PTPN23: variants seen among roughly 807,000 people sequenced by gnomAD.
The protein encoded by PTPN23 is protein tyrosine phosphatase non-receptor type 23, also known as tyrosine-protein phosphatase non-receptor type 23.
A neutral mutation model predicts 156.3 loss-of-function variants in PTPN23; 72 were observed. The ratio of observed to expected loss-of-function variants is 0.46; its 90% CI spans 0.38 to 0.56. PTPN23 has a LOEUF of 0.56. PTPN23 is among the 20% of genes least tolerant of loss of function. The pLI is 0.00. For missense variants in PTPN23, 1,974 were observed against 2,171.5 expected, an observed-to-expected ratio of 0.91 and a Z score of 1.81; for synonymous variants, 957 against 899.6, an observed-to-expected ratio of 1.06 and a Z score of -1.14.
In PTPN23 at chr3:47,407,058, C is replaced by T. The variant is rs912975511; in HGVS notation, c.808-72C>T. 38 of 1,590,252 alleles carry T rather than the reference C, an allele frequency of 2.4e-5. No individual in the cohort carries two copies. Among genetic ancestry groups the T allele is most frequent in the African/African-American group, 1.9e-4 (14 of 74,404 alleles). On this transcript the variant is annotated intron_variant, in intron 9 of 24. Transcript: ENST00000265562. This position sits in a 1 kb window ranked among gnomAD's most constrained non-coding sequence, Gnocchi z 4.0. ...TTGTCATCTGATGGACAGGCAGGGC[C>T]GGGTGGGAGGCAGGAGGAGAAAGGG...
At position 47,406,211 on chromosome 3, in the gene PTPN23, G is replaced by C. The variant is rs1056726192; in HGVS notation, c.547-114G>C. On this transcript the variant is annotated intron_variant, in intron 6 of 24. Coordinates refer to ENST00000265562, the MANE Select transcript of PTPN23 (RefSeq NM_015466.4). The surrounding 1 kb of genome is among the most constrained non-coding windows in gnomAD (Gnocchi z 5.8). Reference sequence around the variant, plus strand: ...GGTGCTGCTTGGAGTGGGGGCAGCTGGGGGAGAGGGCAGTGAAGAGGGATC... The same window carrying C: ...GGTGCTGCTTGGAGTGGGGGCAGCTCGGGGAGAGGGCAGTGAAGAGGGATC... 14 of 1,466,826 alleles carry C rather than the reference G, an allele frequency of 9.5e-6. No individual in the cohort carries two copies. In the African/African-American group the frequency reaches 9.8e-5, roughly 10 times the overall value. The allele number at this position is 1,466,826 out of a possible 1,614,324, so 90.9% of individuals were successfully genotyped here.
rs1201266420 is a variant in PTPN23, at chr3:47,408,460, A to G, written c.1300A>G (p.Thr434Ala). The change falls in exon 15 of 25, where the codon ACT becomes GCT. Residue 434 changes from threonine (T) to alanine (A), a missense_variant. Thr to Ala is a moderately conservative substitution (Grantham distance 58). Around this residue, in one of 4 missense-constraint regions of PTPN23, gnomAD observed 726 missense variants for 929.5 expected, o/e 0.78. Transcript: ENST00000265562. ...KCAALSVRPD[T>A]VRNLVQSMQV... ...CGCGGCTCTCAGCGTCCGGCCCGACACTGTCAGGAACCTTGTACAGTCCAT... is the reference window on the plus strand; with the variant it reads ...CGCGGCTCTCAGCGTCCGGCCCGACGCTGTCAGGAACCTTGTACAGTCCAT... 1.2e-6 allele frequency: 2 copies of G among 1,614,040 alleles called. No homozygotes were observed. The highest frequency in any genetic ancestry group is 1.7e-6 in the Non-Finnish European group (2 of 1,179,960).
chr3:47,385,980 A>G (rs529450821), intron 1 of PTPN23, among the ~76,000 whole-genome samples: 1 of 152,252 alleles, frequency 6.6e-6, no homozygotes, highest in South Asian at 2.1e-4. Flanking sequence ...GCCCTTGCTC[A>G]GGCCCTTACT....
In PTPN23 at chr3:47,381,177, G is replaced by A; in HGVS notation, c.81G>A (p.Lys27=). 6.3e-7 allele frequency: 1 copy of A among 1,583,108 alleles called. No homozygotes were observed. ...ACTTTCACTTCCAGCCAGCTGTGAA[G>A]AAGGTGAGCTTGCCTTCCATCTTCC... ...AGDFHFQPAV[K]KFVLKNYGEN... is the part of the protein sequence containing the mutation. Residue 27 remains lysine (K), a synonymous_variant, in exon 1 of 25, where the codon AAG becomes AAA. Transcript: ENST00000265562.
In PTPN23 at chr3:47,405,867, A is replaced by G; in HGVS notation, c.415-48A>G. 6.2e-7 allele frequency: 1 copy of G among 1,605,866 alleles called. No individual in the cohort carries two copies. Among genetic ancestry groups the G allele is most frequent in the Non-Finnish European group, 8.5e-7 (1 of 1,175,466 alleles). On this transcript the variant is annotated intron_variant, in intron 5 of 24. Coordinates refer to ENST00000265562, the MANE Select transcript of PTPN23 (RefSeq NM_015466.4). The surrounding 1 kb of genome is among the most constrained non-coding windows in gnomAD (Gnocchi z 4.7). ...GGGGCAGCCTCCCAAGTATGGATGA[A>G]TCCTGACCCATGGAGTGGACACAGG...
At chr3:47,402,107 T>C (rs1347100423) in intron 2 of PTPN23, among the ~76,000 whole-genome samples, 3 of 152,180 alleles carry the variant, frequency 2.0e-5, no homozygotes, top group Non-Finnish European at 4.4e-5. Context: ...GAGGGTGTAT[T>C]GTTTGCTTTT....
chr3:47,395,966 C>T (rs951690802), intron 1 of PTPN23, among the ~76,000 whole-genome samples, 177 bp from the exon 2 acceptor site: 1 of 151,934 alleles, frequency 6.6e-6, no homozygotes, highest in Non-Finnish European at 1.5e-5. Context: ...TCACGGCTCT[C>T]GTGGTCAGCA....
In PTPN23 at chr3:47,404,992, G is replaced by A; in HGVS notation, c.288-13G>A. 2 of 1,614,136 alleles carry A rather than the reference G, an allele frequency of 1.2e-6. No homozygotes were observed. The highest frequency in any genetic ancestry group is 1.7e-6 in the Non-Finnish European group (2 of 1,179,972). ...CTCCTGCCCTCGAGATAACTGGGGT[G>A]CCATGTCTGCAGGACAGAGATCTTC... is the stretch of plus-strand genomic sequence containing the variant. On this transcript the variant is annotated splice_polypyrimidine_tract_variant and intron_variant, in intron 3 of 24. Coordinates refer to ENST00000265562, the MANE Select transcript of PTPN23 (RefSeq NM_015466.4).
chr3:47,387,596 C>T (rs1462094925), intron 1 of PTPN23, among the ~76,000 whole-genome samples: 1 of 149,858 alleles, frequency 6.7e-6, no homozygotes, highest in Non-Finnish European at 1.5e-5. Context: ...AAGTTTGTTT[C>T]TTAGAGTAGC....
rs751742887 is a variant in PTPN23, at chr3:47,381,086, T to G, written c.-11T>G. 28 of 1,555,444 alleles carry G rather than the reference T, an allele frequency of 1.8e-5. No homozygotes were observed. The Middle Eastern group carries it at 1.9e-3, about 105-fold the overall frequency. ...CGGGAGTGGCCGGGTGGCCGGCGGG[T>G]GCCAGCCGCCATGGAGGCCGTGCCC... On this transcript the variant is annotated 5_prime_UTR_variant, in exon 1 of 25. Coordinates refer to ENST00000265562, the MANE Select transcript of PTPN23 (RefSeq NM_015466.4).
chr3:47,394,988 G>A (rs1400691308), intron 1 of PTPN23, among the ~76,000 whole-genome samples: 2 of 152,182 alleles, frequency 1.3e-5, no homozygotes, highest in Non-Finnish European at 2.9e-5. Context: ...AGAAGAACCA[G>A]GGTTAGACTC....
rs776530496 is a variant in PTPN23, at chr3:47,411,428, C to A, written c.3630C>A (p.Ser1210=). ...DAQEHDARGR[S]IAIARCYSLK... The stretch of plus-strand genomic sequence containing the variant: ...AGGAACATGATGCCCGAGGCCGTTC[C>A]ATCGCCATTGCCCGCTGCTACTCAC... Residue 1210 remains serine, a synonymous_variant, in exon 20 of 25, where the codon TCC becomes TCA. Transcript: ENST00000265562. The surrounding 1 kb of genome is among the most constrained non-coding windows in gnomAD (Gnocchi z 6.3). The A allele has an allele frequency of 2.5e-6, 4 of 1,613,134 alleles. No homozygotes were observed. Among genetic ancestry groups the A allele is most frequent in the Non-Finnish European group, 3.4e-6 (4 of 1,180,032 alleles).
In PTPN23 at chr3:47,409,434, G is replaced by A. The variant is rs1705211107; in HGVS notation, c.1815G>A (p.Gln605=). 6.2e-6 allele frequency: 10 copies of A among 1,614,140 alleles called. No individual in the cohort carries two copies. The highest frequency in any genetic ancestry group is 8.5e-6 in the Non-Finnish European group (10 of 1,180,026). ...HSEMKKLFEE[Q]LKKYDQLKVY... is the part of the protein sequence containing the mutation. ...TTCCTCAGAAGTTGTTCGAGGAGCA[G>A]CTGAAAAAGTATGACCAGCTGAAGG... Residue 605 remains glutamine (Q), a synonymous_variant, in exon 18 of 25, where the codon CAG becomes CAA. Transcript: ENST00000265562.
intron 14 of PTPN23, 104 bp downstream of exon 14, chr3:47,408,059 C>A: frequency 7.3e-7 from 1 of 1,376,256 alleles, no homozygotes; most frequent in Non-Finnish European, 1.0e-6. Flanking sequence ...ATGTCCATTC[C>A]AAACAGGTTT....
At chr3:47,395,207 G>T (rs1160733853) in intron 1 of PTPN23, among the ~76,000 whole-genome samples, 1 of 152,352 alleles carries the variant, frequency 6.6e-6, no homozygotes, top group Admixed American at 6.5e-5. Flanking sequence ...TGGTGTGAGT[G>T]AGTGTGCTCC....
intron 2 of PTPN23, among the ~76,000 whole-genome samples, chr3:47,402,560 G>T (rs933425159): frequency 1.4e-4 from 21 of 152,288 alleles, no homozygotes; most frequent in Non-Finnish European, 2.8e-4. Flanking sequence ...GATTATAGGC[G>T]TGAGCCACCT....
intron 1 of PTPN23, among the ~76,000 whole-genome samples, chr3:47,393,309 T>C (rs556970996): frequency 5.1e-4 from 77 of 152,192 alleles, no homozygotes; most frequent in Non-Finnish European, 9.6e-4. Flanking sequence ...CCCACCACCA[T>C]GCCTGGCTAA....
rs375600711 is a variant in PTPN23, at chr3:47,409,536, C to T, written c.1917C>T (p.Ala639=). The change falls in exon 18 of 25, where the codon GCC becomes GCT. Residue 639 remains alanine (A), a synonymous_variant. Transcript: ENST00000265562. ...ALTEANVQYA[A]VRRVLSDLDQ... ...CAGAGGCCAACGTGCAGTACGCAGC[C>T]GTGCGGCGGGTACTCAGCGACTTGG... The T allele has an allele frequency of 1.7e-5, 27 of 1,613,866 alleles. No homozygotes were observed. The highest frequency in any genetic ancestry group is 4.0e-5 in the African/African-American group (3 of 74,930).
Position 47,409,038 on chromosome 3 carries a change from G to A in PTPN23, c.1593G>A (p.Gly531=). 1 of 1,613,848 alleles carries A rather than the reference G, an allele frequency of 6.2e-7. No individual in the cohort carries two copies. The change falls in exon 16 of 25, where the codon GGG becomes GGA. Residue 531 remains glycine (G), a synonymous_variant. Transcript: ENST00000265562. ...LHVGNLRLLS[G]PLDQVRAALP... ...TCGGCAACCTGCGCCTGCTCAGCGG[G>A]CCGCTTGACCAGGTCCGGGCTGCCC... is the stretch of plus-strand genomic sequence containing the variant.
Sources: gnomAD v4.1 joint callset for allele counts (sites outside exome capture counted in the v4.1 genomes callset) on GRCh38, gnomAD v4.1.1 for gene constraint, gnomAD v4.1.1 regional missense constraint, Gnocchi (gnomAD v3.1) non-coding constraint, MANE v1.5 for transcripts, NCBI Gene and HGNC (gene_info 2026-07-23, HGNC 2026-07-21) for gene names.